ZNF569: variants seen among roughly 807,000 people sequenced by gnomAD.
The protein encoded by ZNF569 is DNA-binding protein.
In ZNF569, 38 loss-of-function variants were observed where a neutral mutation model predicts 56.3. That is an observed-to-expected ratio of 0.68 (90% CI 0.52 to 0.88). ZNF569 has a LOEUF of 0.88. Ranked by LOEUF, ZNF569 falls within the 40% of genes least tolerant of loss-of-function variation. The probability of loss-of-function intolerance (pLI) is 0.00; values close to 1 mark genes in which losing one functional copy is unlikely to be tolerated. For missense variants in ZNF569, 666 were observed against 809.2 expected (o/e 0.82, Z 2.15); for synonymous variants, 241 against 262.9 (o/e 0.92, Z 0.81).
chr19:37,432,081 T>C (rs1416667421), intron 3 of ZNF569, among the ~76,000 whole-genome samples: 1 of 152,210 alleles, frequency 6.6e-6, no homozygotes, highest in Non-Finnish European at 1.5e-5. Flanking sequence ...TCTCTGGACC[T>C]GCCCGTGGCT....
chr19:37,468,427 G>A (rs1233099523), upstream of ZNF569, among the ~76,000 whole-genome samples: 1 of 152,148 alleles, frequency 6.6e-6, no homozygotes. Flanking sequence ...GCCGGACGCG[G>A]TGGCTCACGC....
intron 3 of ZNF569, among the ~76,000 whole-genome samples, chr19:37,430,642 G>A (rs974107555): frequency 2.0e-5 from 3 of 149,630 alleles, no homozygotes; most frequent in Admixed American, 1.3e-4. Flanking sequence ...AGCCTCCACC[G>A]ATCATACTCC....
intron 3 of ZNF569, among the ~76,000 whole-genome samples, chr19:37,439,229 C>T (rs974138101): frequency 1.3e-5 from 2 of 152,140 alleles, no homozygotes; most frequent in African/African-American, 4.8e-5. Flanking sequence ...CACCACCATG[C>T]CTGGCTCATT....
chr19:37,467,967 G>C, upstream of ZNF569: 1 of 1,535,378 alleles, frequency 6.5e-7, no homozygotes, highest in Non-Finnish European at 8.7e-7. Flanking sequence ...ACCCGGGATC[G>C]TGAGCGAAAA....
intron 3 of ZNF569, among the ~76,000 whole-genome samples, chr19:37,443,948 G>A (rs2041451201): frequency 2.0e-5 from 3 of 152,106 alleles, no homozygotes; most frequent in Non-Finnish European, 1.5e-5. Context: ...AACCCGGGAG[G>A]CAGAGGTTGC....
At chr19:37,464,467 C>T (rs758012206) in intron 2 of ZNF569, among the ~76,000 whole-genome samples, 18 of 152,118 alleles carry the variant, frequency 1.2e-4, no homozygotes, top group Non-Finnish European at 2.6e-4. Flanking sequence ...GGGATTCCAC[C>T]GCGCCTGGCC....
chr19:37,454,665 T>C (rs1288020997), intron 2 of ZNF569, among the ~76,000 whole-genome samples: 1 of 152,090 alleles, frequency 6.6e-6, no homozygotes, highest in Non-Finnish European at 1.5e-5. Context: ...CAGGATTCAC[T>C]CCCATCTTCC....
Position 37,412,915 on chromosome 19 carries a change from A to G in ZNF569, c.1743T>C (p.Asn581=). 6.2e-7 allele frequency: 1 copy of G among 1,613,768 alleles called. No homozygotes were observed. The highest frequency in any genetic ancestry group is 8.5e-7 in the Non-Finnish European group (1 of 1,179,880). Residue 581 remains asparagine, a synonymous_variant, in exon 6 of 6, where the codon AAT becomes AAC. Coordinates refer to ENST00000316950, the MANE Select transcript of ZNF569 (RefSeq NM_152484.3). The part of the protein sequence containing the change: ...SHTGEKPYVC[N]ECGKAFSQRT... Reference sequence around the variant, plus strand: ...TTTGAGAGAAGGCTTTCCCACATTCATTACATACATAGGGCTTCTCACCTG... The same window carrying G: ...TTTGAGAGAAGGCTTTCCCACATTCGTTACATACATAGGGCTTCTCACCTG...
upstream of ZNF569, chr19:37,467,875 A>C: frequency 6.5e-7 from 1 of 1,536,022 alleles, no homozygotes; most frequent in Non-Finnish European, 8.7e-7. Flanking sequence ...CTGACCTTGC[A>C]GTTTTGTCAG....
intron 2 of ZNF569, among the ~76,000 whole-genome samples, chr19:37,448,204 G>A (rs1473856451): frequency 6.6e-6 from 1 of 152,194 alleles, no homozygotes; most frequent in Non-Finnish European, 1.5e-5. Flanking sequence ...TTATCTGGGT[G>A]TGGAGTTTCC....
intron 5 of ZNF569, among the ~76,000 whole-genome samples, chr19:37,415,639 G>A (rs1263556719): frequency 6.6e-6 from 1 of 151,884 alleles, no homozygotes; most frequent in Non-Finnish European, 1.5e-5. Context: ...GGGAGGCCAA[G>A]GCGGGCGGAT....
At chr19:37,459,314 AC>A (rs1456849085) in intron 2 of ZNF569, among the ~76,000 whole-genome samples, 33 of 152,216 alleles carry the variant, frequency 2.2e-4, no homozygotes, top group African/African-American at 7.5e-4. Context: ...TAGTCAAGGA[AC>A]CCAGAGAAAA....
chr19:37,430,840 G>A (rs1186429960), intron 3 of ZNF569, among the ~76,000 whole-genome samples: 5 of 152,206 alleles, frequency 3.3e-5, no homozygotes, highest in Non-Finnish European at 7.3e-5. Context: ...CCTATTCTCC[G>A]GCAGTGGCCA....
chr19:37,444,978 TAA>T lies in ZNF569; in HGVS notation c.-43-16_-43-15del. The T allele has an allele frequency of 1.3e-6, 2 of 1,589,462 alleles. No individual in the cohort carries two copies. Among genetic ancestry groups the T allele is most frequent in the Non-Finnish European group, 1.7e-6 (2 of 1,170,652 alleles). On this transcript the variant is annotated splice_polypyrimidine_tract_variant and intron_variant, in intron 2 of 5. Transcript: ENST00000316950. ...GCAGAAGTAGAGCTGGGGAAGAGAATAAAAGTCATTAAAATAGGCCTGTCTTT... is the reference window on the plus strand; with the variant it reads ...GCAGAAGTAGAGCTGGGGAAGAGAATAAGTCATTAAAATAGGCCTGTCTTT...
chr19:37,444,348 C>G (rs1486225641), intron 3 of ZNF569, among the ~76,000 whole-genome samples: 1 of 152,118 alleles, frequency 6.6e-6, no homozygotes, highest in African/African-American at 2.4e-5. Flanking sequence ...TTTGTGTAAT[C>G]TATCCATGTT....
chr19:37,449,074 G>T (rs2041549147), intron 2 of ZNF569, among the ~76,000 whole-genome samples: 1 of 151,914 alleles, frequency 6.6e-6, no homozygotes, highest in African/African-American at 2.4e-5. Flanking sequence ...AATGTTTCTT[G>T]ACTCATGGAC....
Position 37,465,403 on chromosome 19 carries a change from T to C in ZNF569, c.-134A>G, listed in dbSNP as rs2041814436. The stretch of plus-strand genomic sequence containing the variant: ...CTGCTATATCCCAAGCACCTAGGAT[T>C]GTGCCTGTTACACAGACAGCCTTCA... On this transcript the variant is annotated 5_prime_UTR_variant, in exon 2 of 6. Coordinates refer to ENST00000316950, the MANE Select transcript of ZNF569 (RefSeq NM_152484.3). The C allele has an allele frequency of 1.3e-5, 2 of 152,228 alleles. No individual in the cohort carries two copies. Among genetic ancestry groups the C allele is most frequent in the Admixed American group, 1.3e-4 (2 of 15,286 alleles). The allele number at this position is 152,228 out of a possible 1,614,324, so 9.4% of individuals were successfully genotyped here. A position where few individuals can be genotyped will look rare whatever the true frequency, so the allele number is the denominator to read the frequency against.
intron 2 of ZNF569, among the ~76,000 whole-genome samples, chr19:37,448,587 G>A (rs1427867683): frequency 4.9e-5 from 6 of 122,694 alleles, no homozygotes; most frequent in Admixed American, 1.9e-4. Flanking sequence ...TTTTTGAGAC[G>A]GAGTCTGGCC....
intron 2 of ZNF569, 65 bp from the exon 3 acceptor site, chr19:37,445,029 GGGTGGATT>G: frequency 7.6e-7 from 1 of 1,319,678 alleles, no homozygotes; most frequent in East Asian, 2.4e-5. Flanking sequence ...TGCACACACA[GGGTGGATT>G]AAAGGTCACC....
Sources: allele counts gnomAD v4.1 joint callset (sites outside exome capture counted in the v4.1 genomes callset), GRCh38; gene constraint gnomAD v4.1.1; transcripts MANE v1.5; gene names NCBI Gene and HGNC (gene_info 2026-07-23, HGNC 2026-07-21).